SMIM14: variants seen among roughly 807,000 people sequenced by gnomAD.
SMIM14 encodes small integral membrane protein 14.
A neutral mutation model predicts 12.6 loss-of-function variants in SMIM14; 5 were observed. The observed-to-expected ratio is 0.40, with a 90% CI of 0.21 to 0.83. SMIM14 has a LOEUF of 0.83. Among genes scored for constraint, SMIM14 ranks in the 40% least tolerant of loss-of-function variants. The pLI is 0.37. For synonymous variants in SMIM14, 30 were observed against 40.1 expected (o/e 0.75, Z 0.95); for missense variants, 86 against 119.1 (o/e 0.72, Z 1.29).
At chr4:39,636,003 T>C (rs570165608) in intron 1 of SMIM14, among the ~76,000 whole-genome samples, 1 of 151,934 alleles carries the variant, frequency 6.6e-6, no homozygotes, top group Admixed American at 6.6e-5. Context: ...TGAAACCCCG[T>C]CTCTACTAAA....
At chr4:39,608,210 C>A (rs561206394) in intron 1 of SMIM14, among the ~76,000 whole-genome samples, 1 of 152,310 alleles carries the variant, frequency 6.6e-6, no homozygotes, top group East Asian at 1.9e-4. Flanking sequence ...TGGTGGCTCA[C>A]GCCTATAATC....
intron 3 of SMIM14, among the ~76,000 whole-genome samples, chr4:39,570,915 TC>T (rs1712847563): frequency 6.6e-6 from 1 of 152,182 alleles, no homozygotes; most frequent in South Asian, 2.1e-4. Context: ...TTATATGAAA[TC>T]TAATTATGCC....
chr4:39,568,740 T>G (rs1712707850), intron 3 of SMIM14, among the ~76,000 whole-genome samples: 1 of 152,186 alleles, frequency 6.6e-6, no homozygotes. Flanking sequence ...GTTTTATTAT[T>G]TTAAGAAAAA....
intron 2 of SMIM14, among the ~76,000 whole-genome samples, chr4:39,573,847 T>C (rs971584415): frequency 2.0e-5 from 3 of 152,036 alleles, no homozygotes; most frequent in African/African-American, 7.2e-5. Context: ...GTGACAGAAA[T>C]AGGAGCTGAA....
At chr4:39,634,537 A>G (rs1357979698) in intron 1 of SMIM14, among the ~76,000 whole-genome samples, 1 of 152,240 alleles carries the variant, frequency 6.6e-6, no homozygotes, top group East Asian at 1.9e-4. Context: ...ATGTAACAGT[A>G]ATTTTTAGCA....
At chr4:39,588,447 T>C (rs867177230) in intron 2 of SMIM14, among the ~76,000 whole-genome samples, 16 of 152,304 alleles carry the variant, frequency 1.1e-4, no homozygotes, top group Admixed American at 2.0e-4. Context: ...AGACCAATTG[T>C]ATTGCTAATT....
chr4:39,585,012 C>T (rs1713718235), intron 2 of SMIM14, among the ~76,000 whole-genome samples: 1 of 151,518 alleles, frequency 6.6e-6, no homozygotes, highest in South Asian at 2.1e-4. Flanking sequence ...CTTTATTGAA[C>T]CAAAAATGAT....
At chr4:39,632,028 C>A (rs1319757626) in intron 1 of SMIM14, among the ~76,000 whole-genome samples, 1 of 151,820 alleles carries the variant, frequency 6.6e-6, no homozygotes, top group Non-Finnish European at 1.5e-5. Flanking sequence ...ATATGTAAGC[C>A]CTACTATACA....
intron 2 of SMIM14, among the ~76,000 whole-genome samples, chr4:39,597,205 T>A (rs1714408009): frequency 6.6e-6 from 1 of 151,734 alleles, no homozygotes; most frequent in South Asian, 2.1e-4. Context: ...TTGTTGTGAT[T>A]GGCTTGCATC....
chr4:39,561,932 C>G (rs1212738236), intron 3 of SMIM14, among the ~76,000 whole-genome samples: 2 of 150,936 alleles, frequency 1.3e-5, no homozygotes, highest in Non-Finnish European at 3.0e-5. Flanking sequence ...GACTCCATCT[C>G]AACAACAACA....
At position 39,599,723 on chromosome 4, in the gene SMIM14, A is replaced by G. The variant is rs544374422; in HGVS notation, c.75+5348T>C. On this transcript the variant is annotated intron_variant, in intron 2 of 4. Transcript: ENST00000295958. Reference sequence around the variant, plus strand: ...TGGATCACGAGGACAAGAGATCGAGACCATCCTGGCCAACATGATGAAACC... The same window carrying G: ...TGGATCACGAGGACAAGAGATCGAGGCCATCCTGGCCAACATGATGAAACC... Among the ~76,000 whole-genome samples the G allele has an allele frequency of 3.3e-5, 5 of 152,184 alleles. No homozygotes were observed. The South Asian group carries it at 1.0e-3, about 32-fold the overall frequency.
intron 2 of SMIM14, among the ~76,000 whole-genome samples, chr4:39,596,455 A>G (rs1429245068): frequency 6.6e-6 from 1 of 152,164 alleles, no homozygotes; most frequent in African/African-American, 2.4e-5. Context: ...ATGATGCTGA[A>G]GCAACAGCCT....
chr4:39,635,232 A>T (rs1156721257), intron 1 of SMIM14, among the ~76,000 whole-genome samples: 1 of 152,200 alleles, frequency 6.6e-6, no homozygotes, highest in East Asian at 1.9e-4. Context: ...TGCAAGTGGG[A>T]TTAGAATACA....
intron 1 of SMIM14, among the ~76,000 whole-genome samples, chr4:39,619,757 T>C (rs1380382867): frequency 3.1e-5 from 4 of 128,868 alleles, no homozygotes; most frequent in African/African-American, 7.0e-5. Context: ...TAATTTATTA[T>C]ATATATATCA....
chr4:39,579,410 C>CAA (rs11300565), intron 2 of SMIM14, among the ~76,000 whole-genome samples: 3 of 102,226 alleles, frequency 2.9e-5, no homozygotes, highest in African/African-American at 1.1e-4. Context: ...ACAGTGCCTC[C>CAA]AAAAAAAAAA....
chr4:39,566,183 G>T (rs1421758929), intron 3 of SMIM14, among the ~76,000 whole-genome samples: 2 of 151,172 alleles, frequency 1.3e-5, no homozygotes, highest in African/African-American at 4.9e-5. Context: ...GTAGAATTTT[G>T]GATGTATCTT....
At chr4:39,593,942 A>G (rs1415727777) in intron 2 of SMIM14, 1 of 152,232 alleles carries the variant, frequency 6.6e-6, no homozygotes, top group Non-Finnish European at 1.5e-5. Context: ...GCTCATGGGT[A>G]GGAAGAATCA....
intron 2 of SMIM14, among the ~76,000 whole-genome samples, chr4:39,587,581 G>T (rs1003158596): frequency 1.3e-5 from 2 of 150,190 alleles, no homozygotes; most frequent in Non-Finnish European, 2.9e-5. Flanking sequence ...AGCCAAACAT[G>T]CTCTTCTAGA....
At chr4:39,614,466 G>A (rs1204888763) in intron 1 of SMIM14, among the ~76,000 whole-genome samples, 3 of 151,820 alleles carry the variant, frequency 2.0e-5, no homozygotes, top group African/African-American at 7.3e-5. Flanking sequence ...GATTACAGGT[G>A]TGTGCCACCA....
Sources: gnomAD v4.1 joint callset for allele counts (sites outside exome capture counted in the v4.1 genomes callset) on GRCh38, gnomAD v4.1.1 for gene constraint, MANE v1.5 for transcripts, NCBI Gene and HGNC (gene_info 2026-07-23, HGNC 2026-07-21) for gene names.